Variants in PTPRB observed in about 807,000 individuals in gnomAD.
The protein encoded by PTPRB is protein tyrosine phosphatase receptor type B.
Under a neutral mutation model 238.1 loss-of-function variants are expected in PTPRB, and 97 were observed. The ratio of observed to expected loss-of-function variants is 0.41; its 90% CI spans 0.35 to 0.48. The LOEUF (loss-of-function observed/expected upper bound fraction) is 0.48, where lower values mean the gene tolerates loss of function less well. Among genes scored for constraint, PTPRB ranks in the 20% least tolerant of loss-of-function variants. The pLI is 0.30. For synonymous variants in PTPRB, 970 were observed against 995.4 expected (o/e 0.97, Z 0.48); for missense variants, 2,292 against 2,681.9 (o/e 0.85, Z 3.21).
In PTPRB at chr12:70,539,405, C is replaced by A. The variant is rs986329356; in HGVS notation, c.5778+220G>T. 37 of 571,576 alleles carry A rather than the reference C, an allele frequency of 6.5e-5. 1 individual carries two copies. The South Asian group carries it at 8.8e-4, about 14-fold the overall frequency. The allele number at this position is 571,576 out of a possible 1,614,324, so 35.4% of individuals were successfully genotyped here. ...TTCCTTACTATCTGATCCAGGTAGC[C>A]CTTGGTTTGCTGTGTTATTCTGGAG... On this transcript the variant is annotated intron_variant, in intron 26 of 33. Coordinates refer to ENST00000334414, the MANE Select transcript of PTPRB (RefSeq NM_001109754.4).
At chr12:70,571,368 C>G in intron 12 of PTPRB, 79 bp from the exon 13 acceptor site, 1 of 1,363,980 alleles carries the variant, frequency 7.3e-7, no homozygotes. Context: ...GAATCACATT[C>G]AAGGAACTGG....
At chr12:70,552,664 T>C in intron 21 of PTPRB, 113 bp downstream of exon 21, 1 of 1,359,364 alleles carries the variant, frequency 7.4e-7, no homozygotes, top group South Asian at 1.4e-5. Context: ...CACAGTACTC[T>C]TGTAACGTAG....
chr12:70,608,658 T>A (rs532831307), intron 4 of PTPRB: 4 of 167,742 alleles, frequency 2.4e-5, no homozygotes, highest in African/African-American at 9.6e-5. Flanking sequence ...AAAATAAAAC[T>A]AAGTTGAGGA....
intron 4 of PTPRB, among the ~76,000 whole-genome samples, chr12:70,604,784 A>T (rs1275449940): frequency 6.6e-6 from 1 of 152,194 alleles, no homozygotes. Context: ...GAAGACATTA[A>T]CAGACAGACA....
intron 23 of PTPRB, 146 bp downstream of exon 23, chr12:70,540,712 T>G: frequency 6.2e-6 from 4 of 646,682 alleles, no homozygotes; most frequent in Non-Finnish European, 2.6e-6. Context: ...GGCTTTAGAG[T>G]TTGACTTGTT....
chr12:70,622,400 G>A lies in PTPRB; in HGVS notation c.698C>T (p.Thr233Ile), dbSNP rs909892139. Residue 233 changes from threonine (T) to isoleucine (I), a missense_variant, in exon 3 of 34, where the codon ACC (threonine) becomes ATC (isoleucine). Coordinates refer to ENST00000334414, the MANE Select transcript of PTPRB (RefSeq NM_001109754.4). ...ACCCCCTCCTTTTACCTCTTCAGTG[G>A]TGCTGGAGAAGGGCTGAGTAGTCGA... Reference protein sequence around the residue: ...VLSTTQPFSSTTEETGLAEPE... With the variant: ...VLSTTQPFSSITEETGLAEPE... The A allele has an allele frequency of 3.7e-6, 6 of 1,611,756 alleles. No homozygotes were observed. The highest frequency in any genetic ancestry group is 4.2e-6 in the Non-Finnish European group (5 of 1,179,562).
At chr12:70,544,039 A>C (rs1875581521) in intron 22 of PTPRB, among the ~76,000 whole-genome samples, 1 of 152,190 alleles carries the variant, frequency 6.6e-6, no homozygotes, top group Non-Finnish European at 1.5e-5. Flanking sequence ...TCTCTTTCAG[A>C]AATTGTTATG....
chr12:70,629,660 G>C (rs550573475), intron 2 of PTPRB, among the ~76,000 whole-genome samples: 3 of 152,130 alleles, frequency 2.0e-5, no homozygotes, highest in Non-Finnish European at 2.9e-5. Context: ...TCCAGGAGCT[G>C]TTATTTTGAA....
intron 2 of PTPRB, among the ~76,000 whole-genome samples, chr12:70,632,346 G>A (rs750411646): frequency 7.2e-5 from 11 of 151,926 alleles, no homozygotes; most frequent in East Asian, 1.9e-4. Context: ...ACCAAACACC[G>A]CGTGTACCAC....
chr12:70,609,938 T>C (rs1884320527), intron 3 of PTPRB: 1 of 847,424 alleles, frequency 1.2e-6, no homozygotes, highest in Non-Finnish European at 1.6e-6. Flanking sequence ...CGCGCTTCCC[T>C]CGGGGCTGGC....
chr12:70,578,750 A>G (rs1345984586), intron 10 of PTPRB, among the ~76,000 whole-genome samples: 1 of 152,224 alleles, frequency 6.6e-6, no homozygotes, highest in East Asian at 1.9e-4. Context: ...AATAAGTTGG[A>G]CAATCCTTGT....
intron 4 of PTPRB, among the ~76,000 whole-genome samples, chr12:70,598,108 A>T (rs1883186264): frequency 6.6e-6 from 1 of 152,216 alleles, no homozygotes; most frequent in Non-Finnish European, 1.5e-5. Flanking sequence ...TTCACACCAC[A>T]GCACAGCCCT....
chr12:70,615,851 G>A (rs910567108), intron 3 of PTPRB, among the ~76,000 whole-genome samples: 1 of 152,144 alleles, frequency 6.6e-6, no homozygotes, highest in Non-Finnish European at 1.5e-5. Context: ...TAAAGAAAAG[G>A]AAATCAAAAA....
At chr12:70,609,395 A>C in intron 3 of PTPRB, 56 bp from the exon 4 acceptor site, 1 of 1,570,496 alleles carries the variant, frequency 6.4e-7, no homozygotes, top group Non-Finnish European at 8.6e-7. Flanking sequence ...GCTCAGGGAC[A>C]TGTCCACAGC....
chr12:70,576,367 T>C lies in PTPRB; in HGVS notation c.2842+15A>G. The C allele has an allele frequency of 6.2e-7, 1 of 1,609,998 alleles. No individual in the cohort carries two copies. Among genetic ancestry groups the C allele is most frequent in the Non-Finnish European group, 8.5e-7 (1 of 1,178,228 alleles). On this transcript the variant is annotated intron_variant, in intron 11 of 33. Coordinates refer to ENST00000334414, the MANE Select transcript of PTPRB (RefSeq NM_001109754.4). ...ATTGGTTCTTACGGAGCCCTGAACC[T>C]TCATACAGCCTTACCTGTCCGCTCT...
rs372001030 is a variant in PTPRB, at chr12:70,538,069, T to G, written c.5946+86A>C. ...CTACAGGTGTTTCCAGACCTAAGAA[T>G]AACAGGAACATGGAGGAGTGGCATC... On this transcript the variant is annotated intron_variant, in intron 28 of 33. Coordinates refer to ENST00000334414, the MANE Select transcript of PTPRB (RefSeq NM_001109754.4). 1.9e-5 allele frequency: 21 copies of G among 1,122,228 alleles called. No individual in the cohort carries two copies. The African/African-American group carries it at 2.0e-4, about 11-fold the overall frequency. 69.5% of individuals were successfully genotyped at this position (1,122,228 alleles called of 1,614,324 possible).
At chr12:70,542,205 G>C (rs1417021312) in intron 22 of PTPRB, 2 of 152,156 alleles carry the variant, frequency 1.3e-5, no homozygotes, top group African/African-American at 4.8e-5. Flanking sequence ...TCATGATGTT[G>C]AGCATCTTTT....
intron 11 of PTPRB, among the ~76,000 whole-genome samples, chr12:70,575,571 C>T (rs999019068): frequency 2.0e-5 from 3 of 152,140 alleles, no homozygotes; most frequent in African/African-American, 7.2e-5. Context: ...TACTAAGCCC[C>T]AGGTCCTGCG....
At chr12:70,611,206 T>C (rs917532699) in intron 3 of PTPRB, among the ~76,000 whole-genome samples, 3 of 152,236 alleles carry the variant, frequency 2.0e-5, no homozygotes, top group Non-Finnish European at 4.4e-5. Flanking sequence ...GCTATGTTAT[T>C]GTCTACTATA....
Sources: gnomAD v4.1 joint callset for allele counts (sites outside exome capture counted in the v4.1 genomes callset) on GRCh38, gnomAD v4.1.1 for gene constraint, MANE v1.5 for transcripts, NCBI Gene and HGNC (gene_info 2026-07-23, HGNC 2026-07-21) for gene names.